The following NBAS variants were observed in gnomAD, a reference collection of about 807,000 sequenced individuals.
NBAS encodes the protein NAG/BC035112 fusion.
A neutral mutation model predicts 302.5 loss-of-function variants in NBAS; 219 were observed. That is an observed-to-expected ratio of 0.72 (90% CI 0.65 to 0.81). The LOEUF is 0.81. NBAS is among the 30% of genes least tolerant of loss of function. NBAS has a pLI of 0.00. For synonymous variants in NBAS, 1,118 were observed against 1,021.6 expected (o/e 1.09, Z -1.80); for missense variants, 2,932 against 2,841.6 (o/e 1.03, Z -0.72).
chr2:15,143,771 G>A, the NBAS span, among the ~76,000 whole-genome samples: 13 of 152,048 alleles, frequency 8.5e-5, no homozygotes, highest in Non-Finnish European at 1.6e-4. Flanking sequence ...GGGAAAAGTA[G>A]ACCTACCCTT....
intron 19 of NBAS, among the ~76,000 whole-genome samples, chr2:15,466,231 T>C (rs1679718188): frequency 6.6e-6 from 1 of 152,162 alleles, no homozygotes; most frequent in African/African-American, 2.4e-5. Context: ...GGGACCAGCA[T>C]TACATTATCA....
the NBAS span, among the ~76,000 whole-genome samples, chr2:14,898,857 T>C: frequency 3.9e-5 from 6 of 152,324 alleles, no homozygotes; most frequent in South Asian, 6.2e-4. Flanking sequence ...AGTGTAAAAA[T>C]GAACCTGGAC....
the NBAS span, among the ~76,000 whole-genome samples, chr2:14,807,510 C>T: frequency 1.3e-5 from 2 of 151,038 alleles, no homozygotes. Context: ...TTGCAGGTCC[C>T]CTGTTGGGCT....
the NBAS span, among the ~76,000 whole-genome samples, chr2:15,146,974 C>G: frequency 2.0e-5 from 3 of 152,210 alleles, no homozygotes; most frequent in Non-Finnish European, 4.4e-5. Flanking sequence ...TGTTCGAGGA[C>G]AGGGTTGCTC....
At chr2:14,818,652 G>A in the NBAS span, among the ~76,000 whole-genome samples, 2 of 152,238 alleles carry the variant, frequency 1.3e-5, no homozygotes, top group African/African-American at 4.8e-5. Flanking sequence ...ATTAATTTGC[G>A]ACAGTCCTTA....
the NBAS span, among the ~76,000 whole-genome samples, chr2:14,807,938 CAT>C: frequency 1.3e-5 from 2 of 152,198 alleles, no homozygotes; most frequent in South Asian, 2.1e-4. Flanking sequence ...CACACACACA[CAT>C]GCACATATAT....
the NBAS span, among the ~76,000 whole-genome samples, chr2:15,118,274 C>T: frequency 6.6e-6 from 1 of 152,100 alleles, no homozygotes; most frequent in South Asian, 2.1e-4. Flanking sequence ...CTGGGGCTAG[C>T]GCAACTTTAT....
chr2:15,426,281 G>C (rs994908370), intron 22 of NBAS, among the ~76,000 whole-genome samples: 9 of 152,078 alleles, frequency 5.9e-5, no homozygotes, highest in African/African-American at 2.2e-4. Context: ...TACATAACAT[G>C]CCTTTCTCTT....
the NBAS span, among the ~76,000 whole-genome samples, chr2:15,010,533 C>A: frequency 3.9e-5 from 6 of 152,030 alleles, no homozygotes; most frequent in African/African-American, 1.5e-4. Flanking sequence ...TGAAAGTGAA[C>A]CCAACCAAGT....
At chr2:15,457,176 G>C (rs1256932574) in intron 21 of NBAS, among the ~76,000 whole-genome samples, 3 of 152,212 alleles carry the variant, frequency 2.0e-5, no homozygotes, top group African/African-American at 7.2e-5. Context: ...GCTGGCTGAA[G>C]ACTGCACAGT....
chr2:15,458,618 C>G (rs1480840932), intron 21 of NBAS, among the ~76,000 whole-genome samples: 1 of 152,182 alleles, frequency 6.6e-6, no homozygotes, highest in Non-Finnish European at 1.5e-5. Flanking sequence ...GATGCCAGAG[C>G]TATGCTTCTT....
chr2:15,238,030 C>T (rs1005457584), intron 45 of NBAS, among the ~76,000 whole-genome samples: 1 of 152,116 alleles, frequency 6.6e-6, no homozygotes, highest in East Asian at 1.9e-4. Context: ...CTGCCTTGGC[C>T]TCCCTAAGTG....
At chr2:15,043,498 C>G in the NBAS span, among the ~76,000 whole-genome samples, 1 of 152,128 alleles carries the variant, frequency 6.6e-6, no homozygotes, top group Non-Finnish European at 1.5e-5. Context: ...CCATCTTGGC[C>G]AGGACACAGG....
the NBAS span, among the ~76,000 whole-genome samples, chr2:14,821,150 TCTCCTGAC>T: frequency 6.6e-6 from 1 of 151,990 alleles, no homozygotes; most frequent in Non-Finnish European, 1.5e-5. Context: ...ATGGTCTCGA[TCTCCTGAC>T]CTCGTGATCC....
chr2:15,202,400 G>T (rs1368892947), intron 48 of NBAS, among the ~76,000 whole-genome samples: 2 of 152,144 alleles, frequency 1.3e-5, no homozygotes, highest in Admixed American at 6.5e-5. Flanking sequence ...AAACATGTAA[G>T]GGGAAATATT....
In NBAS at chr2:15,326,609, T is replaced by C. The variant is rs79457928; in HGVS notation, c.4582+1141A>G. Among the ~76,000 whole-genome samples the C allele has an allele frequency of 4.0e-3, 607 of 152,312 alleles. 7 individuals are homozygous for C. Among genetic ancestry groups the C allele is most frequent in the African/African-American group, 0.014 (567 of 41,570 alleles). On this transcript the variant is annotated intron_variant, in intron 38 of 51. Coordinates refer to ENST00000281513, the MANE Select transcript of NBAS (RefSeq NM_015909.4). ...GAGAAACATGACTATACTTTTCATA[T>C]ATATTCAATTTCAACTGTAATTGTA...
chr2:14,885,715 T>C, the NBAS span, among the ~76,000 whole-genome samples: 1 of 151,926 alleles, frequency 6.6e-6, no homozygotes, highest in African/African-American at 2.4e-5. Context: ...AAGAGAAGCA[T>C]GCAAAGAATC....
intron 44 of NBAS, among the ~76,000 whole-genome samples, chr2:15,250,765 T>C (rs1668327509): frequency 6.6e-6 from 1 of 152,106 alleles, no homozygotes; most frequent in Non-Finnish European, 1.5e-5. Flanking sequence ...TGAGATACCG[T>C]CTCATGCCGG....
intron 44 of NBAS, among the ~76,000 whole-genome samples, chr2:15,271,209 T>A (rs1449323545): frequency 6.6e-6 from 1 of 152,234 alleles, no homozygotes. Context: ...GATACTCTTA[T>A]GCTGTTTTCA....
Sources: allele counts gnomAD v4.1 joint callset (sites outside exome capture counted in the v4.1 genomes callset), GRCh38; gene constraint gnomAD v4.1.1; transcripts MANE v1.5; gene names NCBI Gene and HGNC (gene_info 2026-07-23, HGNC 2026-07-21).